ARHGAP21: variants seen among roughly 807,000 people sequenced by gnomAD.
The protein encoded by ARHGAP21 is rho GTPase-activating protein 21.
Under a neutral mutation model 164.6 loss-of-function variants are expected in ARHGAP21, and 38 were observed. The observed-to-expected ratio is 0.23, with a 90% CI of 0.18 to 0.30. ARHGAP21 has a LOEUF of 0.30. Ranked by LOEUF, ARHGAP21 falls within the 10% of genes least tolerant of loss-of-function variation. The probability of loss-of-function intolerance (pLI) is 1.00; values close to 1 mark genes in which losing one functional copy is unlikely to be tolerated. For synonymous variants in ARHGAP21, 766 were observed against 857.9 expected (o/e 0.89, Z 1.87); for missense variants, 1,822 against 2,370.7 (o/e 0.77, Z 4.81).
chr10:24,598,673 G>A (rs2076684843), intron 14 of ARHGAP21, among the ~76,000 whole-genome samples: 1 of 152,014 alleles, frequency 6.6e-6, no homozygotes, highest in South Asian at 2.1e-4. Context: ...ATTGACTGGG[G>A]TTCTCAATTT....
intron 4 of ARHGAP21, among the ~76,000 whole-genome samples, chr10:24,638,597 T>C (rs919512477): frequency 6.6e-6 from 1 of 152,254 alleles, no homozygotes; most frequent in African/African-American, 2.4e-5. Context: ...ATGGCTTCCC[T>C]GGCAATTCTT....
chr10:24,697,239 G>A (rs1843252345), intron 2 of ARHGAP21, among the ~76,000 whole-genome samples: 2 of 152,102 alleles, frequency 1.3e-5, no homozygotes, highest in African/African-American at 2.4e-5. Flanking sequence ...GGAGGTATTC[G>A]CTGCTGAGAA....
At position 24,720,382 on chromosome 10, in the gene ARHGAP21, T is replaced by G. The variant is rs139763796; in HGVS notation, c.63+1455A>C. Among the ~76,000 whole-genome samples the G allele has an allele frequency of 1.8e-3, 267 of 152,246 alleles. 2 individuals carry two copies. Among genetic ancestry groups the G allele is most frequent in the African/African-American group, 6.2e-3 (258 of 41,550 alleles). ...ACCACAATACATATTATTATGTAAC[T>G]GCAATACACATTAAGCAATCACCAG... On this transcript the variant is annotated intron_variant, in intron 2 of 25. Coordinates refer to ENST00000396432, the MANE Select transcript of ARHGAP21 (RefSeq NM_020824.4).
chr10:24,677,662 T>C (rs1160014888), intron 2 of ARHGAP21, among the ~76,000 whole-genome samples: 1 of 152,196 alleles, frequency 6.6e-6, no homozygotes, highest in Non-Finnish European at 1.5e-5. Flanking sequence ...AGGTAGCGTT[T>C]ATAGGGTAAG....
intron 2 of ARHGAP21, among the ~76,000 whole-genome samples, chr10:24,718,112 G>C (rs1220426439): frequency 3.9e-5 from 6 of 152,174 alleles, no homozygotes; most frequent in Non-Finnish European, 8.8e-5. Flanking sequence ...GGTGGGGGTA[G>C]TGGGTATTGG....
Position 24,584,760 on chromosome 10 carries a change from T to A in ARHGAP21, c.5529A>T (p.Ser1843=). 8.7e-6 allele frequency: 14 copies of A among 1,614,014 alleles called. No individual in the cohort carries two copies. The highest frequency in any genetic ancestry group is 1.2e-5 in the Non-Finnish European group (14 of 1,179,870). The part of the protein sequence containing the change: ...SAVNRLKPKC[S]AQDLSISDWL... ...AGTCTGAGATGGAAAGGTCCTGGGC[T>A]GAGCATTTTGGTTTTAACCGGTTTA... The change falls in exon 26 of 26, where the codon TCA becomes TCT. Residue 1843 remains serine, a synonymous_variant. Coordinates refer to ENST00000396432, the MANE Select transcript of ARHGAP21 (RefSeq NM_020824.4).
intron 13 of ARHGAP21, 23 bp downstream of exon 13, chr10:24,601,955 G>T: frequency 6.5e-7 from 1 of 1,527,790 alleles, no homozygotes; most frequent in South Asian, 1.3e-5. Flanking sequence ...CTGACACTCA[G>T]GGTGGCTTAG....
chr10:24,708,866 A>G (rs1196507952), intron 2 of ARHGAP21, among the ~76,000 whole-genome samples: 2 of 152,214 alleles, frequency 1.3e-5, no homozygotes, highest in Admixed American at 1.3e-4. Flanking sequence ...TTGATTCCAT[A>G]TCTTTGCTAC....
At chr10:24,711,553 G>T (rs140805767) in intron 2 of ARHGAP21, among the ~76,000 whole-genome samples, 2 of 152,166 alleles carry the variant, frequency 1.3e-5, no homozygotes, top group South Asian at 4.2e-4. Flanking sequence ...CCTTATTTGA[G>T]AATCAACATG....
intron 2 of ARHGAP21, among the ~76,000 whole-genome samples, chr10:24,702,373 C>T (rs1466584819): frequency 6.6e-6 from 1 of 151,974 alleles, no homozygotes; most frequent in East Asian, 1.9e-4. Flanking sequence ...CCTCGTGATC[C>T]GCCTGCCTCA....
chr10:24,698,434 A>G (rs181242303), intron 2 of ARHGAP21, among the ~76,000 whole-genome samples: 253 of 152,230 alleles, frequency 1.7e-3, no homozygotes, highest in Non-Finnish European at 3.0e-3. Context: ...TGTTTTCCCC[A>G]AAGTTGCGGA....
chr10:24,629,494 C>T lies in ARHGAP21; in HGVS notation c.495+502G>A, dbSNP rs564133062. The T allele has an allele frequency of 1.9e-4, 29 of 152,910 alleles. No homozygotes were observed. The South Asian group carries it at 2.0e-3, about 11-fold the overall frequency. 9.5% of individuals were successfully genotyped at this position (152,910 alleles called of 1,614,324 possible). A position where few individuals can be genotyped will look rare whatever the true frequency, so the allele number is the denominator to read the frequency against. On this transcript the variant is annotated intron_variant, in intron 7 of 25. Coordinates refer to ENST00000396432, the MANE Select transcript of ARHGAP21 (RefSeq NM_020824.4). ...CCGTTCATTGTGAACATTTTAGGAA[C>T]GAATTGATACTACTAACAATACTGC...
chr10:24,714,322 T>C (rs1007229759), intron 2 of ARHGAP21: 2 of 152,202 alleles, frequency 1.3e-5, no homozygotes, highest in Non-Finnish European at 2.9e-5. Flanking sequence ...CTTGACCTGG[T>C]AGTAACTAAA....
rs142723263 is a variant in ARHGAP21, at chr10:24,687,934, T to C, written c.64-17537A>G. Among the ~76,000 whole-genome samples the C allele has an allele frequency of 1.6e-4, 24 of 152,374 alleles. No homozygotes were observed. The East Asian group carries it at 4.4e-3, about 28-fold the overall frequency. Reference sequence around the variant, plus strand: ...ATTATCAGAAACTCATCTTATTAAATGTATGTATAAATAAGTTTTTATAAT... The same window carrying C: ...ATTATCAGAAACTCATCTTATTAAACGTATGTATAAATAAGTTTTTATAAT... On this transcript the variant is annotated intron_variant, in intron 2 of 25. Coordinates refer to ENST00000396432, the MANE Select transcript of ARHGAP21 (RefSeq NM_020824.4).
intron 2 of ARHGAP21, among the ~76,000 whole-genome samples, chr10:24,719,491 G>A (rs566635904): frequency 2.6e-5 from 4 of 152,254 alleles, no homozygotes; most frequent in Admixed American, 2.6e-4. Context: ...AGAGACTCCT[G>A]TTAATTCATT....
At chr10:24,678,817 T>A (rs1016188121) in intron 2 of ARHGAP21, among the ~76,000 whole-genome samples, 1 of 152,172 alleles carries the variant, frequency 6.6e-6, no homozygotes, top group Admixed American at 6.6e-5. Context: ...TATATTTCCA[T>A]TATTTTGTCA....
At chr10:24,656,213 G>A (rs1444135771) in intron 4 of ARHGAP21, among the ~76,000 whole-genome samples, 1 of 137,348 alleles carries the variant, frequency 7.3e-6, no homozygotes. Flanking sequence ...GGAGGGAGGT[G>A]GGGGGGTCAT....
intron 5 of ARHGAP21, among the ~76,000 whole-genome samples, chr10:24,633,987 G>C (rs574839346): frequency 5.9e-4 from 80 of 135,600 alleles, no homozygotes; most frequent in African/African-American, 2.2e-3. Context: ...TCTGCCTCCC[G>C]GGTTCAAGCA....
chr10:24,606,756 G>A (rs564315559), intron 11 of ARHGAP21, among the ~76,000 whole-genome samples: 5 of 152,236 alleles, frequency 3.3e-5, no homozygotes, highest in Middle Eastern at 3.4e-3. Context: ...CAGGAGAATC[G>A]CTTGAACCCG....
Sources: allele counts gnomAD v4.1 joint callset (sites outside exome capture counted in the v4.1 genomes callset), GRCh38; gene constraint gnomAD v4.1.1; transcripts MANE v1.5; gene names NCBI Gene and HGNC (gene_info 2026-07-23, HGNC 2026-07-21).